The following MXRA5 variants were observed in gnomAD, a reference collection of about 807,000 sequenced individuals.
MXRA5 encodes matrix remodeling associated 5.
In MXRA5, 41 loss-of-function variants were observed where a neutral mutation model predicts 112.5. The ratio of observed to expected loss-of-function variants is 0.36; its 90% CI spans 0.28 to 0.47. The LOEUF is 0.47. MXRA5 is among the 20% of genes least tolerant of loss of function. The pLI is 0.99. For synonymous variants in MXRA5, 862 were observed against 900.8 expected (o/e 0.96, Z 0.77); for missense variants, 2,150 against 2,251.0 (o/e 0.96, Z 0.91).
intron 2 of MXRA5, among the ~76,000 whole-genome samples, chrX:3,333,735 T>C (rs1436464655): frequency 8.9e-6 from 1 of 111,892 alleles, no homozygotes; most frequent in African/African-American, 3.3e-5. Flanking sequence ...AATATAATGC[T>C]GCAAAGATAA....
intron 4 of MXRA5, among the ~76,000 whole-genome samples, chrX:3,325,937 A>G (rs1333204527): frequency 1.1e-5 from 1 of 92,803 alleles, no homozygotes; most frequent in Non-Finnish European, 2.0e-5. Context: ...TATATAATTT[A>G]TAATTGTAAT....
intron 2 of MXRA5, among the ~76,000 whole-genome samples, chrX:3,338,254 G>T (rs1921824989): frequency 9.0e-6 from 1 of 111,530 alleles, no homozygotes; most frequent in African/African-American, 3.3e-5. Flanking sequence ...TTCCATAGTT[G>T]TGGTCACCAA....
rs745964578 is a variant in MXRA5 at position 3,322,851 on chromosome X, G to T, written c.2834C>A (p.Ser945Tyr). 12 of 1,209,659 alleles carry T rather than the reference G, an allele frequency of 9.9e-6. No individual in the cohort carries two copies. The highest frequency in any genetic ancestry group is 1.3e-5 in the Non-Finnish European group (12 of 895,202). The change falls in exon 5 of 7, where the codon TCT becomes TAT. Residue 945 changes from serine to tyrosine, a missense_variant. This residue lies in a region of MXRA5 where 1,485 missense variants were observed against 1,471.6 expected (regional missense o/e 1.01). Transcript: ENST00000217939. Reference protein sequence around the residue: ...THEETATEGWSAADVGSSPEP... With the variant: ...THEETATEGWYAADVGSSPEP... Reference sequence around the variant, plus strand: ...TGGTGACGATCCAACATCTGCTGCAGACCAACCCTCTGTTGCCGTCTCTTC... The same window carrying T: ...TGGTGACGATCCAACATCTGCTGCATACCAACCCTCTGTTGCCGTCTCTTC...
At position 3,310,584 on chromosome X, in the gene MXRA5, T is replaced by A. The variant is rs148365613; in HGVS notation, c.7619A>T (p.Glu2540Val). 4.9e-6 allele frequency: 5 copies of A among 1,023,487 alleles called. 1 individual carries two copies. The highest frequency in any genetic ancestry group is 5.4e-6 in the Non-Finnish European group (4 of 747,177). 84.3% of individuals were successfully genotyped at this position (1,023,487 alleles called of 1,213,427 possible). ...ILQLTVLEPM[E>V]KPIFHDPISE... is the part of the protein sequence containing the mutation. Reference sequence around the variant, plus strand: ...GATCGGGTCGTGGAAGATGGGTTTCTCCATGGGCTCCAGGACAGTGAGCTG... The same window carrying A: ...GATCGGGTCGTGGAAGATGGGTTTCACCATGGGCTCCAGGACAGTGAGCTG... The change falls in exon 7 of 7, where the codon GAG becomes GTG. Residue 2540 changes from glutamate to valine, a missense_variant. Physicochemically the swap from Glu to Val is moderately radical, Grantham distance 121. Around this residue, in one of 6 missense-constraint regions of MXRA5, gnomAD observed 93 missense variants for 135.5 expected, o/e 0.69. Coordinates refer to ENST00000217939, the MANE Select transcript of MXRA5 (RefSeq NM_015419.4).
rs1410432143 is a variant in MXRA5 at position 3,330,012 on chromosome X, T to C, written c.709+6A>G. 4.1e-6 allele frequency: 5 copies of C among 1,207,735 alleles called. No individual in the cohort carries two copies. The highest frequency in any genetic ancestry group is 4.5e-6 in the Non-Finnish European group (4 of 893,990). ...CTAGGAGTGGTCTGCTCTCCTCTCTTCTTACCTCTGGATTTTGCATCCCAT... is the reference window on the plus strand; with the variant it reads ...CTAGGAGTGGTCTGCTCTCCTCTCTCCTTACCTCTGGATTTTGCATCCCAT... On this transcript the variant is annotated splice_donor_region_variant and intron_variant, in intron 4 of 6. Transcript: ENST00000217939.
chrX:3,312,983 A>T (rs1272624461), intron 6 of MXRA5, among the ~76,000 whole-genome samples: 1 of 112,494 alleles, frequency 8.9e-6, no homozygotes, highest in African/African-American at 3.2e-5. Flanking sequence ...ATTAACAATG[A>T]CCATATACAC....
chrX:3,311,719 G>C lies in MXRA5; in HGVS notation c.6579-95C>G, dbSNP rs75976471. 4.2e-6 allele frequency: 3 copies of C among 717,655 alleles called. No individual in the cohort carries two copies. In the Admixed American group the frequency reaches 8.6e-5, roughly 21 times the overall value. The allele number at this position is 717,655 out of a possible 1,213,427, so 59.1% of individuals were successfully genotyped here. The stretch of plus-strand genomic sequence containing the variant: ...GAATAACACAAAAATAGGTGTTTCT[G>C]TGATGCATCAGCTCAGGTGGCTGCT... On this transcript the variant is annotated intron_variant, in intron 6 of 6. Transcript: ENST00000217939.
At position 3,317,911 on chromosome X, in the gene MXRA5, C is replaced by T. The variant is rs768537310; in HGVS notation, c.5770G>A (p.Gly1924Ser). The change falls in exon 6 of 7, where the codon GGC (glycine) becomes AGC (serine). Residue 1924 changes from glycine (G) to serine (S), a missense_variant. Gly to Ser is a moderately conservative substitution (Grantham distance 56). Coordinates refer to ENST00000217939, the MANE Select transcript of MXRA5 (RefSeq NM_015419.4). ...TTGCTGGCGGTGCACATATACTGGC[C>T]TCGATCTTGTACTTGAACCTTCCGT... ...VIRKVQVQDR[G>S]QYMCTASNLH... 8.3e-7 allele frequency: 1 copy of T among 1,211,349 alleles called. No individual in the cohort carries two copies. Among genetic ancestry groups the T allele is most frequent in the East Asian group, 3.0e-5 (1 of 33,813 alleles).
chrX:3,342,665 TC>T (rs1235678637), intron 2 of MXRA5, among the ~76,000 whole-genome samples: 1 of 112,080 alleles, frequency 8.9e-6, no homozygotes, highest in African/African-American at 3.2e-5. Context: ...AACGTTTCAT[TC>T]TCTTATTCTA....
chrX:3,310,105 C>T lies in MXRA5; in HGVS notation c.8098G>A (p.Glu2700Lys). Residue 2700 changes from glutamate to lysine, a missense_variant, in exon 7 of 7, where the codon GAG becomes AAG. Physicochemically the swap from Glu to Lys is moderately conservative, Grantham distance 56. Around this residue, in one of 6 missense-constraint regions of MXRA5, gnomAD observed 178 missense variants for 198.2 expected, o/e 0.90. Coordinates refer to ENST00000217939, the MANE Select transcript of MXRA5 (RefSeq NM_015419.4). ...LLDNGTLTVREASVFDRGTYV... is the reference protein window; with the variant it reads ...LLDNGTLTVRKASVFDRGTYV... ...GTACCCCTGTCAAACACCGAGGCCTCACGAACCGTGAGGGTGCCATTGTCC... is the reference window on the plus strand; with the variant it reads ...GTACCCCTGTCAAACACCGAGGCCTTACGAACCGTGAGGGTGCCATTGTCC... 1 of 1,211,498 alleles carries T rather than the reference C, an allele frequency of 8.3e-7. No individual in the cohort carries two copies. The highest frequency in any genetic ancestry group is 3.0e-5 in the East Asian group (1 of 33,796).
chrX:3,346,553 C>T lies in MXRA5; in HGVS notation c.-67G>A, dbSNP rs980784596. 3 of 754,699 alleles carry T rather than the reference C, an allele frequency of 4.0e-6. No individual in the cohort carries two copies. The highest frequency in any genetic ancestry group is 4.7e-6 in the Non-Finnish European group (3 of 639,395). The allele number at this position is 754,699 out of a possible 1,213,427, so 62.2% of individuals were successfully genotyped here. A position where few individuals can be genotyped will look rare whatever the true frequency, so the allele number is the denominator to read the frequency against. On this transcript the variant is annotated 5_prime_UTR_variant, in exon 1 of 7. Transcript: ENST00000217939. ...GCCGCCGCACACGGGAGCGGTGCGC[C>T]GGGAGCATCCACCGAGCCGGGGCGC...
intron 2 of MXRA5, among the ~76,000 whole-genome samples, chrX:3,334,382 T>C (rs1921738553): frequency 9.0e-6 from 1 of 111,501 alleles, no homozygotes; most frequent in Admixed American, 9.6e-5. Flanking sequence ...TTAGTAATGC[T>C]ACTGAGGATT....
intron 4 of MXRA5, among the ~76,000 whole-genome samples, chrX:3,328,678 A>C (rs957408837): frequency 3.7e-5 from 4 of 109,077 alleles, no homozygotes; most frequent in African/African-American, 1.3e-4. Flanking sequence ...TTGAGGAAAT[A>C]GATCCAGGAT....
intron 2 of MXRA5, among the ~76,000 whole-genome samples, chrX:3,341,226 GTATATAAT>G (rs1182144130): frequency 1.1e-4 from 4 of 36,928 alleles, no homozygotes; most frequent in Admixed American, 1.1e-3. Flanking sequence ...TATATATAAT[GTATATAAT>G]TATATAATTA....
At chrX:3,329,713 C>A (rs1362151682) in intron 4 of MXRA5, among the ~76,000 whole-genome samples, 1 of 111,684 alleles carries the variant, frequency 9.0e-6, no homozygotes, top group Admixed American at 9.5e-5. Context: ...AAGCTGCAGT[C>A]CAAGGCTGGC....
Position 3,320,385 on chromosome X carries a change from C to G in MXRA5, c.5300G>C (p.Gly1767Ala). 1 of 1,211,495 alleles carries G rather than the reference C, an allele frequency of 8.3e-7. No homozygotes were observed. Among genetic ancestry groups the G allele is most frequent in the South Asian group, 1.8e-5 (1 of 56,954 alleles). ...ATGGGAATGTATCCTGTTGTAGGAA[C>G]CTGGAATAACTTTTCTCTCTCTCAT... Reference protein sequence around the residue: ...PVMRERKVIPGSYNRIHSHST... With the variant: ...PVMRERKVIPASYNRIHSHST... The change falls in exon 5 of 7, where the codon GGT becomes GCT. Residue 1767 changes from glycine to alanine, a missense_variant. By Grantham distance (60) the Gly-to-Ala change is moderately conservative. This residue lies in a region of MXRA5 where 1,485 missense variants were observed against 1,471.6 expected (regional missense o/e 1.01). Transcript: ENST00000217939.
In MXRA5 at chrX:3,330,117, G is replaced by C; in HGVS notation, c.610C>G (p.Arg204Gly). Residue 204 changes from arginine to glycine, a missense_variant, in exon 4 of 7, where the codon CGG becomes GGG. This residue lies in a region of MXRA5 where 386 missense variants were observed against 411.0 expected (regional missense o/e 0.94). Coordinates refer to ENST00000217939, the MANE Select transcript of MXRA5 (RefSeq NM_015419.4). ...AGATTCTCCAGAAGCGGCATGTTCC[G>C]AAGCATGCTGGCAGGAAGAGTTCTA... is the stretch of plus-strand genomic sequence containing the variant. ...MVRTLPASML[R>G]NMPLLENLYL... The C allele has an allele frequency of 1.7e-6, 2 of 1,209,529 alleles. No homozygotes were observed. The highest frequency in any genetic ancestry group is 2.3e-4 in the Middle Eastern group (1 of 4,351).
At position 3,323,157 on chromosome X, in the gene MXRA5, G is replaced by A. The variant is rs1921358689; in HGVS notation, c.2528C>T (p.Ala843Val). Residue 843 changes from alanine (A) to valine (V), a missense_variant, in exon 5 of 7, where the codon GCA becomes GTA. Physicochemically the swap from Ala to Val is moderately conservative, Grantham distance 64 (BLOSUM62 0). This residue lies in a region of MXRA5 where 1,485 missense variants were observed against 1,471.6 expected (regional missense o/e 1.01). Coordinates refer to ENST00000217939, the MANE Select transcript of MXRA5 (RefSeq NM_015419.4). Reference protein sequence around the residue: ...QTVTSAEESSADVPLLGEEEH... With the variant: ...QTVTSAEESSVDVPLLGEEEH... ...TTCTTCACCAAGTAGAGGTACATCTGCTGAGGATTCTTCAGCACTGGTTAC... is the reference window on the plus strand; with the variant it reads ...TTCTTCACCAAGTAGAGGTACATCTACTGAGGATTCTTCAGCACTGGTTAC... 3.3e-6 allele frequency: 4 copies of A among 1,209,589 alleles called. No homozygotes were observed. The highest frequency in any genetic ancestry group is 1.8e-5 in the South Asian group (1 of 56,754).
At chrX:3,346,007 G>A (rs1415441262) in intron 1 of MXRA5, among the ~76,000 whole-genome samples, 1 of 112,526 alleles carries the variant, frequency 8.9e-6, no homozygotes, top group Non-Finnish European at 1.9e-5. Flanking sequence ...AAGAGTAGGA[G>A]GAAAGAGGCG....
Sources: gnomAD v4.1 joint callset for allele counts (sites outside exome capture counted in the v4.1 genomes callset) on GRCh38, gnomAD v4.1.1 for gene constraint, gnomAD v4.1.1 regional missense constraint, MANE v1.5 for transcripts, NCBI Gene and HGNC (gene_info 2026-07-23, HGNC 2026-07-21) for gene names.